The following FABP3 variants were observed in gnomAD, a reference collection of about 807,000 sequenced individuals.
The protein encoded by FABP3 is fatty acid-binding protein, heart.
A neutral mutation model predicts 13.4 loss-of-function variants in FABP3; 8 were observed. The ratio of observed to expected loss-of-function variants is 0.60; its 90% CI spans 0.35 to 1.07. The LOEUF is 1.07. Among genes scored for constraint, FABP3 ranks in the 50% least tolerant of loss-of-function variants. The pLI, the probability that FABP3 is intolerant of heterozygous loss-of-function variation, is 0.02. For synonymous variants in FABP3, 64 were observed against 60.0 expected, an observed-to-expected ratio of 1.07 and a Z score of -0.31; for missense variants, 135 against 164.7, an observed-to-expected ratio of 0.82 and a Z score of 0.99.
At chr1:31,364,247 C>T, downstream of FABP3, 1 of 1,560,532 alleles carries the variant, frequency 6.4e-7, no homozygotes, top group Non-Finnish European at 8.6e-7. Context: ...AGCCTTGTGC[C>T]TTGAGACTCC....
At chr1:31,364,324 T>TC (rs1640049930), downstream of FABP3, 1 of 1,418,458 alleles carries the variant, frequency 7.0e-7, no homozygotes, top group Non-Finnish European at 9.3e-7. Flanking sequence ...GGAGATGGCT[T>TC]CCCCTCATGC....
chr1:31,362,440 C>T (rs1202967320), downstream of FABP3, among the ~76,000 whole-genome samples: 5 of 152,188 alleles, frequency 3.3e-5, no homozygotes, highest in South Asian at 2.1e-4. Context: ...AGATTTATGC[C>T]GTGCTTAAAA....
At chr1:31,365,090 T>A (rs1046123072), downstream of FABP3, 1 of 152,266 alleles carries the variant, frequency 6.6e-6, no homozygotes, top group Non-Finnish European at 1.5e-5. Context: ...CACTAGCAGA[T>A]CACTGCCTTC....
chr1:31,372,916 C>T (rs1215996775), intron 1 of FABP3, 26 bp downstream of exon 1: 2 of 1,609,836 alleles, frequency 1.2e-6, no homozygotes, highest in Non-Finnish European at 1.7e-6. Context: ...CCCAAGCCAA[C>T]ATCCTGAGCC....
At chr1:31,360,100 C>T in the FABP3 span, among the ~76,000 whole-genome samples, 2 of 152,308 alleles carry the variant, frequency 1.3e-5, no homozygotes, top group Middle Eastern at 3.4e-3. Context: ...CTGCCTCAGC[C>T]TCCCGAGTAG....
downstream of FABP3, among the ~76,000 whole-genome samples, chr1:31,360,749 ACT>A (rs1639853977): frequency 6.6e-6 from 1 of 151,934 alleles, no homozygotes; most frequent in Non-Finnish European, 1.5e-5. Context: ...ATAGTGCCAA[ACT>A]CTGTGTTATA....
chr1:31,359,972 TGAACTACAACC>T, the FABP3 span, among the ~76,000 whole-genome samples: 19 of 150,162 alleles, frequency 1.3e-4, no homozygotes, highest in Admixed American at 3.3e-4. Context: ...ACTTTGCTTT[TGAACTACAACC>T]TTTTTTTTTT....
At chr1:31,369,805 G>T (rs1329086366) in intron 1 of FABP3, among the ~76,000 whole-genome samples, 1 of 152,130 alleles carries the variant, frequency 6.6e-6, no homozygotes, top group East Asian at 1.9e-4. Context: ...GCAGAGCTGG[G>T]ATTAGAATAA....
At chr1:31,372,145 G>A (rs1198735639) in intron 1 of FABP3, among the ~76,000 whole-genome samples, 2 of 152,078 alleles carry the variant, frequency 1.3e-5, no homozygotes, top group Non-Finnish European at 2.9e-5. Flanking sequence ...TCCTAAACCA[G>A]TGATCCTCCC....
At chr1:31,371,099 G>T (rs1466307343) in intron 1 of FABP3, among the ~76,000 whole-genome samples, 1 of 152,206 alleles carries the variant, frequency 6.6e-6, no homozygotes, top group African/African-American at 2.4e-5. Context: ...CTCAATCCAG[G>T]CCAGCAGTTG....
At chr1:31,367,043 C>T (rs578161439) in intron 3 of FABP3, among the ~76,000 whole-genome samples, 2 of 152,324 alleles carry the variant, frequency 1.3e-5, no homozygotes, top group Admixed American at 1.3e-4. Flanking sequence ...CATGGAGCAC[C>T]TGCTGTGTTC....
chr1:31,361,779 G>A (rs531396680), downstream of FABP3, among the ~76,000 whole-genome samples: 4 of 149,586 alleles, frequency 2.7e-5, no homozygotes, highest in African/African-American at 9.8e-5. Context: ...TTTGGGGAGA[G>A]GGGGAGATTA....
chr1:31,369,565 TA>T lies in FABP3; in HGVS notation c.74-9del, dbSNP rs1170588532. 1 of 1,613,744 alleles carries T rather than the reference TA, an allele frequency of 6.2e-7. No individual in the cohort carries two copies. Among genetic ancestry groups the T allele is most frequent in the South Asian group, 1.1e-5 (1 of 91,048 alleles). On this transcript the variant is annotated splice_polypyrimidine_tract_variant and intron_variant, in intron 1 of 3. Coordinates refer to ENST00000373713, the MANE Select transcript of FABP3 (RefSeq NM_004102.5). Reference sequence around the variant, plus strand: ...TGGTAGCAAAACCCACACCTGAGGGTAGGGGGAAGGTTATGAGTATATGAGC... The same window carrying T: ...TGGTAGCAAAACCCACACCTGAGGGTGGGGGAAGGTTATGAGTATATGAGC...
chr1:31,369,363 C>T, intron 2 of FABP3, 22 bp downstream of exon 2: 2 of 1,612,212 alleles, frequency 1.2e-6, no homozygotes, highest in Non-Finnish European at 1.7e-6. Flanking sequence ...CTCCATTCCC[C>T]ACCCCTGTTT....
At chr1:31,371,263 G>A (rs1412662735) in intron 1 of FABP3, among the ~76,000 whole-genome samples, 1 of 152,218 alleles carries the variant, frequency 6.6e-6, no homozygotes, top group Non-Finnish European at 1.5e-5. Context: ...GTATCAGGAT[G>A]AGTCAGGCCA....
At chr1:31,364,050 CAT>C (rs1330878964), downstream of FABP3, 2 of 1,611,338 alleles carry the variant, frequency 1.2e-6, no homozygotes, top group South Asian at 1.1e-5. Context: ...GAAAAAGAAA[CAT>C]AGAGATAGGA....
chr1:31,367,672 C>G (rs942070916), intron 2 of FABP3, among the ~76,000 whole-genome samples, 178 bp from the exon 3 acceptor site: 2 of 152,226 alleles, frequency 1.3e-5, no homozygotes, highest in Non-Finnish European at 2.9e-5. Flanking sequence ...TAGTTCACCT[C>G]CAGCCTCTGC....
chr1:31,372,853 A>G (rs914756602), intron 1 of FABP3, 89 bp downstream of exon 1: 5 of 1,291,684 alleles, frequency 3.9e-6, no homozygotes. Flanking sequence ...AGTCTTAACC[A>G]GGAGGGATGC....
downstream of FABP3, among the ~76,000 whole-genome samples, chr1:31,360,816 T>C (rs1242926579): frequency 1.3e-5 from 2 of 152,214 alleles, no homozygotes; most frequent in East Asian, 3.8e-4. Flanking sequence ...CATTTCTGAG[T>C]TGCAGTTTTT....
Sources: allele counts gnomAD v4.1 joint callset (sites outside exome capture counted in the v4.1 genomes callset), GRCh38; gene constraint gnomAD v4.1.1; transcripts MANE v1.5; gene names NCBI Gene and HGNC (gene_info 2026-07-23, HGNC 2026-07-21).